RALYL: variants seen among roughly 807,000 people sequenced by gnomAD.
RALYL encodes the protein RNA-binding Raly-like protein.
A neutral mutation model predicts 35.1 loss-of-function variants in RALYL; 29 were observed. The ratio of observed to expected loss-of-function variants is 0.83; its 90% CI spans 0.61 to 1.13. The LOEUF (loss-of-function observed/expected upper bound fraction) is 1.13, where lower values mean the gene tolerates loss of function less well. Among genes scored for constraint, RALYL ranks in the 50% most tolerant of loss-of-function variants. The probability of loss-of-function intolerance (pLI) is 0.00; values close to 1 mark genes in which losing one functional copy is unlikely to be tolerated. For missense variants in RALYL, 359 were observed against 360.4 expected (o/e 1.00, Z 0.03); for synonymous variants, 120 against 127.6 (o/e 0.94, Z 0.40).
At chr8:84,788,998 G>A (rs1345371052) in intron 3 of RALYL, among the ~76,000 whole-genome samples, 1 of 152,180 alleles carries the variant, frequency 6.6e-6, no homozygotes, top group Non-Finnish European at 1.5e-5. Context: ...GGTATTTAAA[G>A]CTGTAATTCA....
chr8:84,796,401 C>T (rs1863646), intron 3 of RALYL, among the ~76,000 whole-genome samples: 36,349 of 152,120 alleles, frequency 0.24, 4,576 homozygotes, highest in Non-Finnish European at 0.25. Context: ...TCTCAGAATT[C>T]ACCTACAGTT....
chr8:84,446,260 T>C (rs950077227), intron 1 of RALYL, among the ~76,000 whole-genome samples: 1 of 151,970 alleles, frequency 6.6e-6, no homozygotes, highest in Non-Finnish European at 1.5e-5. Context: ...CTACCCATAA[T>C]GGGAATACCC....
At chr8:84,357,674 A>T (rs1289561662) in intron 1 of RALYL, among the ~76,000 whole-genome samples, 1 of 150,254 alleles carries the variant, frequency 6.7e-6, no homozygotes, top group African/African-American at 2.4e-5. Context: ...TTTCCTTTTA[A>T]ATCATTGGCA....
At chr8:84,425,251 G>C (rs1426309838) in intron 1 of RALYL, among the ~76,000 whole-genome samples, 3 of 152,044 alleles carry the variant, frequency 2.0e-5, no homozygotes, top group Non-Finnish European at 2.9e-5. Context: ...ATAGTCTCGT[G>C]GTGCGCCGTT....
intron 1 of RALYL, among the ~76,000 whole-genome samples, chr8:84,303,817 C>T (rs1381260707): frequency 6.6e-6 from 1 of 152,124 alleles, no homozygotes; most frequent in East Asian, 1.9e-4. Context: ...ATTTCCATTT[C>T]CATCTGAATT....
Position 84,830,469 on chromosome 8 carries a change from G to A in RALYL, c.366-19511G>A, listed in dbSNP as rs78850976. The stretch of plus-strand genomic sequence containing the variant: ...AGAGAAGTACCAAGATGACAGCTTT[G>A]TAACAGACCCAAAGAGAACCAGTCT... On this transcript the variant is annotated intron_variant, in intron 4 of 8. Coordinates refer to ENST00000521268, the MANE Select transcript of RALYL (RefSeq NM_173848.7). Among the ~76,000 whole-genome samples the A allele has an allele frequency of 2.8e-3, 420 of 152,230 alleles. 1 individual carries two copies. Among genetic ancestry groups the A allele is most frequent in the African/African-American group, 9.8e-3 (407 of 41,520 alleles).
chr8:84,232,209 C>T (rs1038054324), intron 1 of RALYL, among the ~76,000 whole-genome samples: 2 of 151,830 alleles, frequency 1.3e-5, no homozygotes, highest in African/African-American at 4.8e-5. Flanking sequence ...GTAAATTATA[C>T]CAAAGACAGA....
At chr8:84,210,475 A>G (rs1041079797) in intron 1 of RALYL, among the ~76,000 whole-genome samples, 2 of 148,328 alleles carry the variant, frequency 1.3e-5, no homozygotes, top group Non-Finnish European at 3.0e-5. Flanking sequence ...ATTCATAAAA[A>G]CAATACTTCA....
At chr8:84,578,357 G>C (rs188520803) in intron 2 of RALYL, among the ~76,000 whole-genome samples, 1 of 152,208 alleles carries the variant, frequency 6.6e-6, no homozygotes. Flanking sequence ...CACAGCCCTG[G>C]CTCAGGGATC....
intron 6 of RALYL, chr8:84,872,952 C>T (rs553062634): frequency 2.6e-4 from 50 of 189,862 alleles, no homozygotes; most frequent in African/African-American, 1.1e-3. Flanking sequence ...ATCTGAATCC[C>T]TCTCACATTG....
At chr8:84,392,712 A>C (rs879041297) in intron 1 of RALYL, among the ~76,000 whole-genome samples, 3 of 152,000 alleles carry the variant, frequency 2.0e-5, no homozygotes, top group Admixed American at 2.0e-4. Flanking sequence ...TAGTTGCCCA[A>C]ATTTACCCAA....
chr8:84,187,682 A>C (rs1812871527), intron 1 of RALYL, among the ~76,000 whole-genome samples: 2 of 152,126 alleles, frequency 1.3e-5, no homozygotes, highest in Admixed American at 1.3e-4. Context: ...ACAAATTGTT[A>C]ATTAGAAAAA....
chr8:84,863,476 T>G (rs1838534899), intron 6 of RALYL, among the ~76,000 whole-genome samples: 1 of 152,170 alleles, frequency 6.6e-6, no homozygotes, highest in Non-Finnish European at 1.5e-5. Context: ...TAAGCCGCCG[T>G]AGAGACTTGG....
At chr8:84,571,134 A>T (rs1187041012) in intron 2 of RALYL, among the ~76,000 whole-genome samples, 1 of 151,602 alleles carries the variant, frequency 6.6e-6, no homozygotes, top group Non-Finnish European at 1.5e-5. Context: ...TATCAGGGTG[A>T]TATTGATTTC....
intron 8 of RALYL, among the ~76,000 whole-genome samples, chr8:84,905,640 T>A (rs1164935244): frequency 1.3e-5 from 2 of 152,078 alleles, no homozygotes; most frequent in African/African-American, 4.8e-5. Context: ...AATTTTTGGA[T>A]TCCTGACACA....
intron 2 of RALYL, among the ~76,000 whole-genome samples, chr8:84,577,629 G>A (rs995955535): frequency 1.3e-5 from 2 of 151,846 alleles, no homozygotes; most frequent in Non-Finnish European, 2.9e-5. Context: ...CAGTTTTCAA[G>A]ATGTTGAGAT....
intron 1 of RALYL, among the ~76,000 whole-genome samples, chr8:84,469,474 C>T (rs1267987254): frequency 6.6e-6 from 1 of 152,168 alleles, no homozygotes; most frequent in African/African-American, 2.4e-5. Flanking sequence ...GGGACAGGGA[C>T]CCACTTGAGG....
rs143404555 is a variant in RALYL at position 84,350,794 on chromosome 8, G to T, written c.-24+166370G>T. On this transcript the variant is annotated intron_variant, in intron 1 of 8. Transcript: ENST00000521268. Reference sequence around the variant, plus strand: ...TATGTAGACTAAAATACTATAATTAGAAGGGAGGATTTGGAGCACTATTTG... The same window carrying T: ...TATGTAGACTAAAATACTATAATTATAAGGGAGGATTTGGAGCACTATTTG... Among the ~76,000 whole-genome samples the T allele has an allele frequency of 1.1e-3, 171 of 150,370 alleles. 8 individuals carry two copies. In the East Asian group the frequency reaches 0.019, roughly 17 times the overall value.
intron 1 of RALYL, among the ~76,000 whole-genome samples, chr8:84,298,991 C>A (rs1840280637): frequency 6.6e-6 from 1 of 151,878 alleles, no homozygotes; most frequent in African/African-American, 2.4e-5. Flanking sequence ...GGTATAAAAC[C>A]ATAATAATCT....
Sources: gnomAD v4.1 joint callset for allele counts (sites outside exome capture counted in the v4.1 genomes callset) on GRCh38, gnomAD v4.1.1 for gene constraint, MANE v1.5 for transcripts, NCBI Gene and HGNC (gene_info 2026-07-23, HGNC 2026-07-21) for gene names.